COL4A1: variants seen among roughly 807,000 people sequenced by gnomAD.
The protein encoded by COL4A1 is collagen alpha-1(IV) chain.
COL4A1 carries 40 observed loss-of-function variants against 216.6 expected under a neutral mutation model. That is an observed-to-expected ratio of 0.18 (90% CI 0.14 to 0.24). The LOEUF is 0.24. Among genes scored for constraint, COL4A1 ranks in the 10% least tolerant of loss-of-function variants. The pLI is 1.00. For synonymous variants in COL4A1, 839 were observed against 810.7 expected (o/e 1.03, Z -0.59); for missense variants, 1,628 against 2,196.8 (o/e 0.74, Z 5.18).
intron 2 of COL4A1, among the ~76,000 whole-genome samples, chr13:110,216,662 C>T (rs1880100843): frequency 6.6e-6 from 1 of 152,178 alleles, no homozygotes; most frequent in Non-Finnish European, 1.5e-5. Context: ...AAGTTTCTCA[C>T]TGAGTCAGCA....
At chr13:110,159,826 T>C (rs962563333) in intron 49 of COL4A1, among the ~76,000 whole-genome samples, 1 of 152,170 alleles carries the variant, frequency 6.6e-6, no homozygotes, top group Non-Finnish European at 1.5e-5. Context: ...CTGAGGACAT[T>C]ATGCTGAGTG....
chr13:110,192,789 A>G (rs753740745), intron 23 of COL4A1, 41 bp downstream of exon 23: 1 of 1,578,474 alleles, frequency 6.3e-7, no homozygotes, highest in Non-Finnish European at 8.7e-7. Context: ...CAACACACCA[A>G]AGCAAACTCT....
intron 49 of COL4A1, among the ~76,000 whole-genome samples, chr13:110,158,805 C>A (rs1022526924): frequency 7.2e-6 from 1 of 139,470 alleles, no homozygotes; most frequent in Non-Finnish European, 1.5e-5. Context: ...TGCAATGGTG[C>A]GATCCTGGCT....
chr13:110,191,933 C>T (rs141020680), intron 24 of COL4A1, among the ~76,000 whole-genome samples: 137 of 152,348 alleles, frequency 9.0e-4, no homozygotes, highest in African/African-American at 3.1e-3. Flanking sequence ...GAAGGACACA[C>T]TCCCATTCAG....
chr13:110,196,384 C>G (rs1878891238), intron 21 of COL4A1, among the ~76,000 whole-genome samples: 1 of 152,134 alleles, frequency 6.6e-6, no homozygotes, highest in African/African-American at 2.4e-5. Flanking sequence ...CATGTTTATG[C>G]TTCAAAGAGC....
chr13:110,169,445 G>A (rs1011752307), intron 43 of COL4A1, among the ~76,000 whole-genome samples, 184 bp downstream of exon 43: 2 of 121,468 alleles, frequency 1.6e-5, no homozygotes, highest in African/African-American at 6.0e-5. Context: ...AAAGATGTGG[G>A]TTACTGGCAA....
chr13:110,276,143 A>G (rs147603153), intron 1 of COL4A1, among the ~76,000 whole-genome samples: 1 of 152,158 alleles, frequency 6.6e-6, no homozygotes, highest in Non-Finnish European at 1.5e-5. Flanking sequence ...ATCATGGGAG[A>G]GGCCATGCGT....
At chr13:110,199,666 C>T (rs937785797) in intron 20 of COL4A1, among the ~76,000 whole-genome samples, 4 of 152,264 alleles carry the variant, frequency 2.6e-5, no homozygotes, top group Admixed American at 6.5e-5. Context: ...AGGCCACAGG[C>T]GAGCCCAGGG....
chr13:110,236,200 A>G (rs1024584387), intron 2 of COL4A1, among the ~76,000 whole-genome samples: 2 of 152,216 alleles, frequency 1.3e-5, no homozygotes, highest in African/African-American at 4.8e-5. Context: ...CTTATCACGT[A>G]GACATTGCAA....
chr13:110,240,767 T>C (rs1272860164), intron 2 of COL4A1, among the ~76,000 whole-genome samples: 2 of 151,982 alleles, frequency 1.3e-5, no homozygotes, highest in Non-Finnish European at 2.9e-5. Context: ...AGTTGACAGG[T>C]AGGGAAGGCT....
At chr13:110,153,458 G>C (rs1470680214) in intron 50 of COL4A1, among the ~76,000 whole-genome samples, 2 of 152,216 alleles carry the variant, frequency 1.3e-5, no homozygotes, top group African/African-American at 4.8e-5. Flanking sequence ...GACAAGGGTT[G>C]GTGGTGACAA....
chr13:110,258,351 A>G (rs1295866148), intron 1 of COL4A1, among the ~76,000 whole-genome samples: 1 of 152,170 alleles, frequency 6.6e-6, no homozygotes, highest in East Asian at 1.9e-4. Flanking sequence ...CAGCCTGGCC[A>G]ATATGGTAAA....
chr13:110,155,779 G>C (rs1236104164), intron 49 of COL4A1, among the ~76,000 whole-genome samples: 1 of 152,186 alleles, frequency 6.6e-6, no homozygotes, highest in Non-Finnish European at 1.5e-5. Flanking sequence ...GGGTGTGGTG[G>C]CACATGCCTG....
chr13:110,176,124 G>C (rs560096657), intron 36 of COL4A1, among the ~76,000 whole-genome samples: 1 of 152,206 alleles, frequency 6.6e-6, no homozygotes, highest in Non-Finnish European at 1.5e-5. Context: ...AGAAGCCGTC[G>C]TCTCTTAGGG....
At chr13:110,157,462 T>G (rs1001371548) in intron 49 of COL4A1, among the ~76,000 whole-genome samples, 5 of 152,182 alleles carry the variant, frequency 3.3e-5, no homozygotes, top group Non-Finnish European at 5.9e-5. Context: ...TCCTGAGAAG[T>G]CGTGGAAACC....
intron 2 of COL4A1, among the ~76,000 whole-genome samples, chr13:110,221,402 C>T (rs1490988912): frequency 6.6e-6 from 1 of 152,156 alleles, no homozygotes; most frequent in Non-Finnish European, 1.5e-5. Flanking sequence ...AAGAATAACT[C>T]AAGGGGGCCC....
rs2138415274 is a variant in COL4A1 at position 110,150,258 on chromosome 13, A to C, written c.*105T>G. 1 of 1,098,550 alleles carries C rather than the reference A, an allele frequency of 9.1e-7. No homozygotes were observed. Among genetic ancestry groups the C allele is most frequent in the Non-Finnish European group, 1.3e-6 (1 of 741,262 alleles). 68.1% of individuals were successfully genotyped at this position (1,098,550 alleles called of 1,614,324 possible). On this transcript the variant is annotated 3_prime_UTR_variant, in exon 52 of 52. Transcript: ENST00000375820. ...TCCTATAAGGCACTTTACGGTTTTC[A>C]TATTGGACAGTGAGGTACACAGGAT...
At chr13:110,216,472 C>A (rs1228372996) in intron 2 of COL4A1, among the ~76,000 whole-genome samples, 1 of 152,134 alleles carries the variant, frequency 6.6e-6, no homozygotes, top group African/African-American at 2.4e-5. Context: ...CAACATCAGA[C>A]AGGAAGGAAA....
At chr13:110,258,639 T>G (rs773061306) in intron 1 of COL4A1, among the ~76,000 whole-genome samples, 3 of 152,208 alleles carry the variant, frequency 2.0e-5, no homozygotes, top group Non-Finnish European at 2.9e-5. Flanking sequence ...TATTAAAAAA[T>G]AGTCAATCTG....
Sources: gnomAD v4.1 joint callset for allele counts (sites outside exome capture counted in the v4.1 genomes callset) on GRCh38, gnomAD v4.1.1 for gene constraint, MANE v1.5 for transcripts, NCBI Gene and HGNC (gene_info 2026-07-23, HGNC 2026-07-21) for gene names.